The following CSF2RA variants were observed in gnomAD, a reference collection of about 807,000 sequenced individuals.
CSF2RA encodes granulocyte-macrophage colony-stimulating factor receptor subunit alpha.
In CSF2RA, 42 loss-of-function variants were observed where a neutral mutation model predicts 51.6. The observed-to-expected ratio is 0.81, with a 90% CI of 0.64 to 1.05. The LOEUF is 1.05. CSF2RA is among the 50% of genes least tolerant of loss of function. The pLI is 0.00. For missense variants in CSF2RA, 530 were observed against 501.1 expected (o/e 1.06, Z -0.55); for synonymous variants, 222 against 193.0 (o/e 1.15, Z -1.24).
At chrX:1,310,863 G>C (rs2084148117), downstream of CSF2RA, among the ~76,000 whole-genome samples, 1 of 152,028 alleles carries the variant, frequency 6.6e-6, no homozygotes. Flanking sequence ...TGAATGAAGA[G>C]GGGGCGGACT....
intron 1 of CSF2RA, 109 bp from the exon 2 acceptor site, chrX:1,274,646 C>G (rs1405521661): frequency 4.0e-5 from 15 of 373,018 alleles, no homozygotes; most frequent in Non-Finnish European, 7.4e-5. Context: ...TTTTTAAAAC[C>G]TTTGTAGTAC....
At chrX:1,311,173 C>A (rs1430764185), downstream of CSF2RA, among the ~76,000 whole-genome samples, 1 of 151,414 alleles carries the variant, frequency 6.6e-6, no homozygotes, top group Non-Finnish European at 1.5e-5. Context: ...TGCTTGAACC[C>A]GGGAGGCGGA....
At chrX:1,280,145 A>G (rs1199905200) in intron 2 of CSF2RA, among the ~76,000 whole-genome samples, 2 of 152,018 alleles carry the variant, frequency 1.3e-5, no homozygotes, top group Middle Eastern at 3.2e-3. Flanking sequence ...GGGTGGACAG[A>G]TGGGTCCCAC....
chrX:1,302,824 G>C, intron 10 of CSF2RA: 1 of 316,626 alleles, frequency 3.2e-6, no homozygotes, highest in East Asian at 4.8e-5. Flanking sequence ...CTCCTGAGTA[G>C]CTACGATTAC....
At chrX:1,285,120 G>C (rs28497168) in intron 3 of CSF2RA, among the ~76,000 whole-genome samples, 64,385 of 151,610 alleles carry the variant, frequency 0.42, 15,015 homozygotes, top group East Asian at 0.66. Context: ...GGCGGGATCT[G>C]AACCTACTGG....
At chrX:1,316,713 C>T in the CSF2RA span, among the ~76,000 whole-genome samples, 321 of 152,300 alleles carry the variant, frequency 2.1e-3, 2 homozygotes, top group African/African-American at 7.5e-3. Context: ...ATGAGATCAA[C>T]AGCACCACCA....
chrX:1,285,451 C>T (rs186728390), intron 3 of CSF2RA, among the ~76,000 whole-genome samples: 124 of 151,260 alleles, frequency 8.2e-4, no homozygotes, highest in Middle Eastern at 3.4e-3. Flanking sequence ...CCCAGCACTT[C>T]GGGAGGCTGA....
At chrX:1,319,389 C>T in the CSF2RA span, among the ~76,000 whole-genome samples, 2 of 149,032 alleles carry the variant, frequency 1.3e-5, no homozygotes, top group Non-Finnish European at 3.0e-5. Flanking sequence ...CCCGGCTTAG[C>T]GATCCTCCTC....
chrX:1,291,092 T>C (rs2091348648), intron 7 of CSF2RA, among the ~76,000 whole-genome samples: 1 of 151,978 alleles, frequency 6.6e-6, no homozygotes, highest in African/African-American at 2.4e-5. Flanking sequence ...CGGCTAATTT[T>C]TGTATTTTTA....
intron 2 of CSF2RA, 145 bp from the exon 3 acceptor site, chrX:1,282,533 A>G (rs2090172475): frequency 4.1e-6 from 3 of 728,982 alleles, no homozygotes; most frequent in Non-Finnish European, 7.7e-6. Flanking sequence ...AGACCTTCCC[A>G]GCTGGCCATG....
At chrX:1,275,619 C>A (rs1405975667) in intron 2 of CSF2RA, among the ~76,000 whole-genome samples, 1 of 151,174 alleles carries the variant, frequency 6.6e-6, no homozygotes, top group Middle Eastern at 3.4e-3. Context: ...AGTGCAGTGG[C>A]GCGATCTCGG....
At chrX:1,269,986 G>T (rs777658918) in intron 1 of CSF2RA, among the ~76,000 whole-genome samples, 1 of 151,960 alleles carries the variant, frequency 6.6e-6, no homozygotes, top group African/African-American at 2.4e-5. Flanking sequence ...GTGTGTGCCT[G>T]TAATCCCAGC....
chrX:1,320,737 C>G, the CSF2RA span, among the ~76,000 whole-genome samples: 1 of 149,490 alleles, frequency 6.7e-6, no homozygotes, highest in Non-Finnish European at 1.5e-5. Context: ...GGTCTCGATC[C>G]CCTGACCTTG....
At position 1,309,629 on chromosome X, in the gene CSF2RA, G is replaced by A. The variant is rs756218453; in HGVS notation, c.*150G>A. On this transcript the variant is annotated 3_prime_UTR_variant, in exon 13 of 13. Transcript: ENST00000381529. ...GGGCCAGGCGCGGTGGCTCACGCCT[G>A]TAATCCCAGCACTTTGGGAGGCCAA... 166 of 1,591,302 alleles carry A rather than the reference G, an allele frequency of 1.0e-4. No homozygotes were observed. The highest frequency in any genetic ancestry group is 1.3e-4 in the Non-Finnish European group (156 of 1,159,804).
chrX:1,281,625 T>A (rs1397464559), intron 2 of CSF2RA, among the ~76,000 whole-genome samples: 3 of 151,908 alleles, frequency 2.0e-5, no homozygotes, highest in Non-Finnish European at 4.4e-5. Context: ...GCCCTAAACA[T>A]CCTCTGAGGT....
intron 6 of CSF2RA, chrX:1,289,107 G>A (rs1443609654): frequency 1.5e-4 from 92 of 598,014 alleles, no homozygotes; most frequent in African/African-American, 1.5e-3. Flanking sequence ...GATTACAGGC[G>A]CCCGCCACCA....
At chrX:1,311,600 CT>C (rs201551483), downstream of CSF2RA, among the ~76,000 whole-genome samples, 1 of 151,888 alleles carries the variant, frequency 6.6e-6, no homozygotes, top group African/African-American at 2.4e-5. Flanking sequence ...TTCCCGGCTA[CT>C]TTTTTTTGTT....
In CSF2RA at chrX:1,290,325, C is replaced by G; in HGVS notation, c.474-12C>G. On this transcript the variant is annotated splice_polypyrimidine_tract_variant and intron_variant, in intron 6 of 12. Coordinates refer to ENST00000381529, the MANE Select transcript of CSF2RA (RefSeq NM_172245.4). ...TTCCTGATTGCTCTCTGAGCACTTTCTAATCTTTCAGGAGAAGGAGGGAGA... is the reference window on the plus strand; with the variant it reads ...TTCCTGATTGCTCTCTGAGCACTTTGTAATCTTTCAGGAGAAGGAGGGAGA... The G allele has an allele frequency of 6.2e-7, 1 of 1,611,088 alleles. No homozygotes were observed. The highest frequency in any genetic ancestry group is 8.5e-7 in the Non-Finnish European group (1 of 1,177,582).
intron 10 of CSF2RA, among the ~76,000 whole-genome samples, chrX:1,301,912 C>CTT (rs1158872719): frequency 4.8e-5 from 5 of 103,630 alleles, no homozygotes; most frequent in Non-Finnish European, 7.5e-5. Flanking sequence ...GGCCCTCCCT[C>CTT]TTTTTTTTTT....
Sources: gnomAD v4.1 joint callset for allele counts (sites outside exome capture counted in the v4.1 genomes callset) on GRCh38, gnomAD v4.1.1 for gene constraint, MANE v1.5 for transcripts, NCBI Gene and HGNC (gene_info 2026-07-23, HGNC 2026-07-21) for gene names.